HS2ST1: variants seen among roughly 807,000 people sequenced by gnomAD.
The protein encoded by HS2ST1 is heparan sulfate 2-O-sulfotransferase 1.
A neutral mutation model predicts 42.9 loss-of-function variants in HS2ST1; 18 were observed. The ratio of observed to expected loss-of-function variants is 0.42; its 90% CI spans 0.29 to 0.62. HS2ST1 has a LOEUF of 0.62. Ranked by LOEUF, HS2ST1 falls within the 20% of genes least tolerant of loss-of-function variation. The pLI is 0.21. For missense variants in HS2ST1, 334 were observed against 433.8 expected, an observed-to-expected ratio of 0.77 and a Z score of 2.04; for synonymous variants, 146 against 152.9, an observed-to-expected ratio of 0.95 and a Z score of 0.33.
chr1:87,075,273 A>G (rs1458035408), intron 2 of HS2ST1, among the ~76,000 whole-genome samples: 1 of 145,770 alleles, frequency 6.9e-6, no homozygotes, highest in African/African-American at 2.6e-5. Context: ...ACGTTCAAGC[A>G]ATTCTGCCTC....
chr1:87,057,792 A>G lies in HS2ST1; in HGVS notation c.125-15142A>G, dbSNP rs552227538. On this transcript the variant is annotated intron_variant, in intron 1 of 6. Transcript: ENST00000370550. ...CGTGAACCCGGGAGGCGGAGCTTGCAGTGAGCTGAGATCATGCCACTGCAC... is the reference window on the plus strand; with the variant it reads ...CGTGAACCCGGGAGGCGGAGCTTGCGGTGAGCTGAGATCATGCCACTGCAC... Among the ~76,000 whole-genome samples the G allele has an allele frequency of 3.0e-4, 45 of 151,770 alleles. 1 individual carries two copies. The South Asian group carries it at 8.5e-3, about 29-fold the overall frequency.
intron 1 of HS2ST1, chr1:87,045,903 C>A: frequency 1.4e-6 from 1 of 699,746 alleles, no homozygotes; most frequent in South Asian, 1.4e-5. Flanking sequence ...ACCTTGTGCT[C>A]ACCGGCTTCT....
At position 87,040,739 on chromosome 1, in the gene HS2ST1, A is replaced by T. The variant is rs577573739; in HGVS notation, c.125-32195A>T. Among the ~76,000 whole-genome samples, 4 of 152,312 alleles carry T rather than the reference A, an allele frequency of 2.6e-5. No homozygotes were observed. The South Asian group carries it at 8.3e-4, about 32-fold the overall frequency. ...GGCAAGAGTTAAGTAAAAAGTCCGG[A>T]ATATTAACCTTAAAAAGGAAGACTT... On this transcript the variant is annotated intron_variant, in intron 1 of 6. Transcript: ENST00000370550.
chr1:86,972,366 T>A (rs1217719581), intron 1 of HS2ST1, among the ~76,000 whole-genome samples: 1 of 152,240 alleles, frequency 6.6e-6, no homozygotes, highest in African/African-American at 2.4e-5. Context: ...TATTTTTTTT[T>A]AAGAGATGGA....
At chr1:86,944,753 T>A (rs558078262) in intron 1 of HS2ST1, among the ~76,000 whole-genome samples, 1 of 152,224 alleles carries the variant, frequency 6.6e-6, no homozygotes, top group East Asian at 1.9e-4. Context: ...TGGTGTGCCT[T>A]TTTCTCTACT....
At chr1:87,017,493 A>G (rs1200127813) in intron 1 of HS2ST1, among the ~76,000 whole-genome samples, 2 of 152,172 alleles carry the variant, frequency 1.3e-5, no homozygotes, top group Non-Finnish European at 2.9e-5. Flanking sequence ...TAGTCTAGCC[A>G]TTATAACCAT....
chr1:87,072,974 G>GCGA lies in HS2ST1; in HGVS notation c.167_169dup (p.Arg56dup). The GCGA allele has an allele frequency of 6.2e-7, 1 of 1,614,056 alleles. No individual in the cohort carries two copies. Among genetic ancestry groups the GCGA allele is most frequent in the African/African-American group, 1.3e-5 (1 of 75,052 alleles). ...GACACGAAGTCCGAGAAATTGAGCAGCGACATACAATGGATGGCCCTCGGC... is the reference window on the plus strand; with the variant it reads ...GACACGAAGTCCGAGAAATTGAGCAGCGACGACATACAATGGATGGCCCTCGGC... On this transcript the variant is annotated inframe_insertion, in exon 2 of 7. Coordinates refer to ENST00000370550, the MANE Select transcript of HS2ST1 (RefSeq NM_012262.4).
chr1:86,932,782 CCTGT>C (rs894172562), intron 1 of HS2ST1, among the ~76,000 whole-genome samples: 3 of 152,026 alleles, frequency 2.0e-5, no homozygotes, highest in Non-Finnish European at 4.4e-5. Context: ...TTGTGGTAAA[CCTGT>C]CTTTCTCAGA....
At chr1:87,089,473 G>T (rs1570540866) in intron 3 of HS2ST1, among the ~76,000 whole-genome samples, 1 of 152,118 alleles carries the variant, frequency 6.6e-6, no homozygotes. Context: ...AGAAATAGCT[G>T]AAATGATTGA....
chr1:86,950,356 ATAGATAGG>A (rs1557490633), intron 1 of HS2ST1, among the ~76,000 whole-genome samples: 1 of 149,150 alleles, frequency 6.7e-6, no homozygotes, highest in African/African-American at 2.5e-5. Context: ...ACATGGGTAG[ATAGATAGG>A]TAGGTAGGTA....
At chr1:87,077,485 T>A (rs976081696) in intron 2 of HS2ST1, among the ~76,000 whole-genome samples, 16 of 152,204 alleles carry the variant, frequency 1.1e-4, no homozygotes, top group African/African-American at 3.9e-4. Flanking sequence ...GACATCCTCT[T>A]AGAAAAACCA....
At chr1:87,085,447 C>T (rs947515679) in intron 3 of HS2ST1, among the ~76,000 whole-genome samples, 11 of 152,096 alleles carry the variant, frequency 7.2e-5, no homozygotes, top group Non-Finnish European at 1.3e-4. Flanking sequence ...AAGAATCACC[C>T]AAATATTACA....
At chr1:86,981,576 C>T (rs1366400907) in intron 1 of HS2ST1, among the ~76,000 whole-genome samples, 1 of 152,218 alleles carries the variant, frequency 6.6e-6, no homozygotes, top group Non-Finnish European at 1.5e-5. Context: ...CCATAGGCTC[C>T]ATGCAAGTCA....
chr1:87,101,280 C>G (rs564147748), intron 5 of HS2ST1, among the ~76,000 whole-genome samples: 300 of 150,976 alleles, frequency 2.0e-3, no homozygotes, highest in Non-Finnish European at 3.5e-3. Context: ...ATTCTCCTGC[C>G]TCAGCCTCCT....
At chr1:87,008,329 T>C (rs1649499863) in intron 1 of HS2ST1, among the ~76,000 whole-genome samples, 3 of 152,198 alleles carry the variant, frequency 2.0e-5, no homozygotes, top group Non-Finnish European at 2.9e-5. Flanking sequence ...AAATAATGTA[T>C]AACATATACC....
At position 87,094,497 on chromosome 1, in the gene HS2ST1, G is replaced by T. The variant is rs1191147996; in HGVS notation, c.588+1828G>T. Among the ~76,000 whole-genome samples the T allele has an allele frequency of 2.0e-5, 3 of 152,142 alleles. No individual in the cohort carries two copies. The East Asian group carries it at 5.8e-4, about 29-fold the overall frequency. On this transcript the variant is annotated intron_variant, in intron 4 of 6. Transcript: ENST00000370550. Reference sequence around the variant, plus strand: ...TCATTTTACAGAAAAGGAAACTGTGGGGCACAGAAAGGCTAAGTATTTTGC... The same window carrying T: ...TCATTTTACAGAAAAGGAAACTGTGTGGCACAGAAAGGCTAAGTATTTTGC...
At chr1:87,080,207 A>C (rs1330755725) in intron 2 of HS2ST1, among the ~76,000 whole-genome samples, 5 of 152,224 alleles carry the variant, frequency 3.3e-5, no homozygotes, top group Admixed American at 6.5e-5. Flanking sequence ...CAGCAATCCC[A>C]GTGGTTACCC....
chr1:87,054,140 TACATATG>T (rs1650901351), intron 1 of HS2ST1, among the ~76,000 whole-genome samples: 1 of 152,158 alleles, frequency 6.6e-6, no homozygotes, highest in Non-Finnish European at 1.5e-5. Flanking sequence ...ACCCTGTAAA[TACATATG>T]GAATCAGAGT....
chr1:87,082,273 T>C (rs1468425521), intron 2 of HS2ST1, among the ~76,000 whole-genome samples: 4 of 152,352 alleles, frequency 2.6e-5, no homozygotes, highest in African/African-American at 9.6e-5. Context: ...TAGTTTAATA[T>C]TGACCATCCT....
Sources: allele counts gnomAD v4.1 joint callset (sites outside exome capture counted in the v4.1 genomes callset), GRCh38; gene constraint gnomAD v4.1.1; transcripts MANE v1.5; gene names NCBI Gene and HGNC (gene_info 2026-07-23, HGNC 2026-07-21).